The following ADGRB3 variants were observed in gnomAD, a reference collection of about 807,000 sequenced individuals.
ADGRB3 encodes the protein brain-specific angiogenesis inhibitor 3.
In ADGRB3, 37 loss-of-function variants were observed where a neutral mutation model predicts 193.4. The ratio of observed to expected loss-of-function variants is 0.19; its 90% CI spans 0.15 to 0.25. The LOEUF (loss-of-function observed/expected upper bound fraction) is 0.25. Among genes scored for constraint, ADGRB3 ranks in the 10% least tolerant of loss-of-function variants. The pLI is 1.00. For synonymous variants in ADGRB3, 690 were observed against 644.2 expected, an observed-to-expected ratio of 1.07 and a Z score of -1.08; for missense variants, 1,637 against 1,852.9, an observed-to-expected ratio of 0.88 and a Z score of 2.14.
chr6:69,317,862 A>G (rs1042640532), intron 20 of ADGRB3, among the ~76,000 whole-genome samples: 1 of 151,340 alleles, frequency 6.6e-6, no homozygotes, highest in Admixed American at 6.6e-5. Flanking sequence ...TTTGGACTAC[A>G]TTTTCCAAAT....
intron 11 of ADGRB3, among the ~76,000 whole-genome samples, chr6:69,009,373 T>A (rs1255144937): frequency 6.6e-6 from 1 of 151,940 alleles, no homozygotes; most frequent in Non-Finnish European, 1.5e-5. Context: ...ACATAAAGGA[T>A]AATAAAAGGT....
chr6:69,102,402 G>A (rs1010954252), intron 17 of ADGRB3, among the ~76,000 whole-genome samples: 3 of 152,272 alleles, frequency 2.0e-5, no homozygotes, highest in Admixed American at 6.5e-5. Flanking sequence ...TCAAATATGT[G>A]TATGTTTGTA....
intron 20 of ADGRB3, among the ~76,000 whole-genome samples, chr6:69,299,170 T>G (rs1767899355): frequency 6.6e-6 from 1 of 152,030 alleles, no homozygotes; most frequent in Non-Finnish European, 1.5e-5. Flanking sequence ...GTTGGCCATT[T>G]TTTATGGTTT....
At chr6:69,260,000 A>C (rs1766888386) in intron 20 of ADGRB3, among the ~76,000 whole-genome samples, 1 of 152,108 alleles carries the variant, frequency 6.6e-6, no homozygotes, top group African/African-American at 2.4e-5. Flanking sequence ...GTAATCAAAA[A>C]CCATTTTTAC....
chr6:68,950,241 G>A (rs1009243104), intron 6 of ADGRB3, among the ~76,000 whole-genome samples: 4 of 151,928 alleles, frequency 2.6e-5, no homozygotes, highest in African/African-American at 9.7e-5. Context: ...TATTTTTGTA[G>A]CAACACGGTC....
chr6:68,973,451 TAATTTAATGAGTTCGTA>T (rs1169002284), intron 8 of ADGRB3, among the ~76,000 whole-genome samples: 1 of 152,222 alleles, frequency 6.6e-6, no homozygotes, highest in Non-Finnish European at 1.5e-5. Context: ...AACTATAAGG[TAATTTAATGAGTTCGTA>T]AATTCTGAAA....
At chr6:68,781,897 G>A (rs1026418732) in intron 3 of ADGRB3, among the ~76,000 whole-genome samples, 13 of 152,082 alleles carry the variant, frequency 8.5e-5, no homozygotes, top group African/African-American at 3.1e-4. Flanking sequence ...TATTACAAGC[G>A]AAAGAAGGGA....
intron 17 of ADGRB3, among the ~76,000 whole-genome samples, chr6:69,107,915 G>T (rs148011513): frequency 1.3e-5 from 2 of 152,048 alleles, no homozygotes; most frequent in Non-Finnish European, 2.9e-5. Flanking sequence ...GAGGGGGCAA[G>T]CGTTGAAAAA....
chr6:68,793,256 T>C lies in ADGRB3; in HGVS notation c.758-137303T>C, dbSNP rs553891707. 1.1e-4 allele frequency among the ~76,000 whole-genome samples: 16 copies of C among 152,232 alleles called. No individual in the cohort carries two copies. In the East Asian group the frequency reaches 2.5e-3, roughly 24 times the overall value. ...CCTTTGTAAGTTCATATCTAGATTT[T>C]CACCTTTAAAATATTCTGCTTGTTA... is the stretch of plus-strand genomic sequence containing the variant. On this transcript the variant is annotated intron_variant, in intron 3 of 31. Transcript: ENST00000370598.
intron 17 of ADGRB3, among the ~76,000 whole-genome samples, chr6:69,220,983 T>C (rs1020181524): frequency 2.6e-5 from 4 of 151,954 alleles, no homozygotes; most frequent in Non-Finnish European, 5.9e-5. Context: ...TTAATTGGGG[T>C]TGTCGGTGGA....
intron 3 of ADGRB3, among the ~76,000 whole-genome samples, chr6:68,861,489 G>A (rs1765153362): frequency 6.6e-6 from 1 of 152,060 alleles, no homozygotes; most frequent in Non-Finnish European, 1.5e-5. Context: ...GTGAACCCGG[G>A]AGGTGGAGCT....
chr6:68,961,401 C>T (rs1191635932), intron 8 of ADGRB3, among the ~76,000 whole-genome samples: 1 of 152,124 alleles, frequency 6.6e-6, no homozygotes, highest in East Asian at 1.9e-4. Flanking sequence ...TTTTCCCTGC[C>T]TCTTATCCCC....
chr6:69,352,739 A>C (rs1183060469), intron 26 of ADGRB3, among the ~76,000 whole-genome samples: 5 of 152,240 alleles, frequency 3.3e-5, no homozygotes. Context: ...GAGGACAAGG[A>C]GGAAGCTAAA....
intron 16 of ADGRB3, among the ~76,000 whole-genome samples, chr6:69,069,457 T>C (rs1772007050): frequency 7.0e-6 from 1 of 143,850 alleles, no homozygotes; most frequent in Non-Finnish European, 1.5e-5. Flanking sequence ...TGAAGTATCA[T>C]TAAAATTATG....
intron 3 of ADGRB3, among the ~76,000 whole-genome samples, chr6:68,698,397 C>G (rs2127307231): frequency 6.6e-6 from 1 of 152,024 alleles, no homozygotes; most frequent in East Asian, 1.9e-4. Flanking sequence ...AACAAGTAAG[C>G]ACTTAAATCA....
intron 20 of ADGRB3, among the ~76,000 whole-genome samples, chr6:69,295,522 C>T (rs569885276): frequency 2.0e-5 from 3 of 152,236 alleles, no homozygotes; most frequent in Middle Eastern, 3.4e-3. Flanking sequence ...ATGGAAAGCA[C>T]AGAGAGCCTC....
chr6:68,700,695 A>T (rs937617869), intron 3 of ADGRB3, among the ~76,000 whole-genome samples: 24 of 151,848 alleles, frequency 1.6e-4, no homozygotes, highest in Admixed American at 1.4e-3. Flanking sequence ...GTAAAGAACC[A>T]TCATTCTCAG....
At chr6:68,849,159 A>G (rs560738321) in intron 3 of ADGRB3, among the ~76,000 whole-genome samples, 1 of 152,148 alleles carries the variant, frequency 6.6e-6, no homozygotes, top group Admixed American at 6.5e-5. Context: ...TTGAATCATG[A>G]AAAGAGATAT....
intron 20 of ADGRB3, among the ~76,000 whole-genome samples, chr6:69,241,146 C>G (rs1373316120): frequency 6.6e-6 from 1 of 151,870 alleles, no homozygotes; most frequent in Non-Finnish European, 1.5e-5. Flanking sequence ...GACATTTCTA[C>G]AAGGTGTACT....
Sources: allele counts gnomAD v4.1 joint callset (sites outside exome capture counted in the v4.1 genomes callset), GRCh38; gene constraint gnomAD v4.1.1; transcripts MANE v1.5; gene names NCBI Gene and HGNC (gene_info 2026-07-23, HGNC 2026-07-21).